Variants in EYA1 observed in about 807,000 individuals in gnomAD.
EYA1 encodes EYA transcriptional coactivator and phosphatase 1, also known as protein phosphatase EYA1.
In EYA1, 16 loss-of-function variants were observed where a neutral mutation model predicts 82.0. The ratio of observed to expected loss-of-function variants is 0.20; its 90% confidence interval spans 0.13 to 0.30. The LOEUF is 0.30. Ranked by LOEUF, EYA1 falls within the 10% of genes least tolerant of loss-of-function variation. The pLI is 1.00. For synonymous variants in EYA1, 261 were observed against 264.4 expected (o/e 0.99, Z 0.12); for missense variants, 633 against 730.7 (o/e 0.87, Z 1.54).
intron 2 of EYA1, among the ~76,000 whole-genome samples, chr8:71,432,590 T>C (rs953092182): frequency 2.6e-5 from 4 of 152,226 alleles, no homozygotes; most frequent in African/African-American, 9.6e-5. Context: ...TCCTTTGTGC[T>C]TGGGCATGAT....
intron 1 of EYA1, among the ~76,000 whole-genome samples, chr8:71,358,554 G>C (rs1474714136): frequency 6.6e-6 from 1 of 152,070 alleles, no homozygotes; most frequent in Non-Finnish European, 1.5e-5. Context: ...TCCACATCGT[G>C]GTCCAGGAAA....
At chr8:71,236,085 G>A (rs1811797307) in intron 12 of EYA1, among the ~76,000 whole-genome samples, 1 of 152,082 alleles carries the variant, frequency 6.6e-6, no homozygotes, top group Admixed American at 6.5e-5. Context: ...CTGTCACTCA[G>A]GCTGGAGTGC....
chr8:71,280,077 C>T (rs1328009752), intron 9 of EYA1, among the ~76,000 whole-genome samples: 2 of 152,190 alleles, frequency 1.3e-5, no homozygotes, highest in African/African-American at 4.8e-5. Context: ...TTGATTTCAT[C>T]TCTAACATAA....
intron 2 of EYA1, among the ~76,000 whole-genome samples, chr8:71,442,499 T>C (rs1346828640): frequency 6.6e-6 from 1 of 152,208 alleles, no homozygotes; most frequent in Non-Finnish European, 1.5e-5. Context: ...CAGTTTCTGA[T>C]TCCGCTTCAT....
chr8:71,326,883 C>G (rs1823214382), intron 4 of EYA1, among the ~76,000 whole-genome samples: 1 of 152,200 alleles, frequency 6.6e-6, no homozygotes, highest in South Asian at 2.1e-4. Context: ...AAACAGTGAC[C>G]TCTCAAAAAC....
At chr8:71,419,744 C>G (rs751020079) in intron 2 of EYA1, among the ~76,000 whole-genome samples, 103 of 152,070 alleles carry the variant, frequency 6.8e-4, no homozygotes, top group Non-Finnish European at 1.4e-3. Context: ...TTTAAATACA[C>G]ACTTTACTAG....
chr8:71,376,799 C>T (rs1406436002), intron 2 of EYA1, among the ~76,000 whole-genome samples: 2 of 152,060 alleles, frequency 1.3e-5, no homozygotes, highest in Non-Finnish European at 2.9e-5. Flanking sequence ...TCCAAAAAGC[C>T]GGAACAATCA....
At chr8:71,336,610 AC>A (rs1486089769) in intron 3 of EYA1, among the ~76,000 whole-genome samples, 2 of 152,256 alleles carry the variant, frequency 1.3e-5, no homozygotes, top group African/African-American at 4.8e-5. Flanking sequence ...CCCAAGAGGC[AC>A]ATTCAATTAT....
At chr8:71,202,547 G>A (rs897884451) in intron 17 of EYA1, among the ~76,000 whole-genome samples, 6 of 152,130 alleles carry the variant, frequency 3.9e-5, no homozygotes, top group South Asian at 2.1e-4. Context: ...ACCCAGAAAC[G>A]AGGTCAAAGG....
At chr8:71,206,459 G>A (rs557219687) in intron 17 of EYA1, among the ~76,000 whole-genome samples, 1 of 152,238 alleles carries the variant, frequency 6.6e-6, no homozygotes, top group South Asian at 2.1e-4. Flanking sequence ...GGGCTCAAGT[G>A]AGCCACCTGT....
At chr8:71,392,084 C>G (rs369814365) in intron 2 of EYA1, among the ~76,000 whole-genome samples, 1 of 152,070 alleles carries the variant, frequency 6.6e-6, no homozygotes, top group African/African-American at 2.4e-5. Context: ...TAGAGATTTC[C>G]CTCCATACTT....
intron 4 of EYA1, chr8:71,324,072 C>T (rs575092050): frequency 1.3e-5 from 2 of 152,182 alleles, no homozygotes; most frequent in South Asian, 4.1e-4. Flanking sequence ...GCCACAGAAA[C>T]CCCATTTATT....
chr8:71,328,427 G>A (rs1345437829), intron 4 of EYA1, among the ~76,000 whole-genome samples: 2 of 152,018 alleles, frequency 1.3e-5, no homozygotes, highest in East Asian at 1.9e-4. Flanking sequence ...GATTCTTTCC[G>A]CTGTATTCAA....
chr8:71,443,308 G>A (rs374322998), intron 2 of EYA1, among the ~76,000 whole-genome samples: 4 of 152,108 alleles, frequency 2.6e-5, no homozygotes, highest in Non-Finnish European at 5.9e-5. Context: ...TTTTTGGCGG[G>A]GGGGATAGAG....
chr8:71,225,097 T>C, intron 12 of EYA1: 1 of 285,526 alleles, frequency 3.5e-6, no homozygotes, highest in Non-Finnish European at 7.2e-6. Context: ...TACTTGCGTG[T>C]TTTTCTCTGT....
chr8:71,433,290 CAT>C (rs1254571928), intron 2 of EYA1, among the ~76,000 whole-genome samples: 2 of 152,142 alleles, frequency 1.3e-5, no homozygotes, highest in African/African-American at 2.4e-5. Flanking sequence ...GAAAAAAGAA[CAT>C]AAACATTCCA....
At chr8:71,210,649 C>T (rs1185677628) in intron 17 of EYA1, among the ~76,000 whole-genome samples, 2 of 152,184 alleles carry the variant, frequency 1.3e-5, no homozygotes, top group African/African-American at 4.8e-5. Flanking sequence ...CTCCCTTCCC[C>T]CTGCCCTGAG....
chr8:71,231,234 CTTTG>C (rs1811156751), intron 12 of EYA1, among the ~76,000 whole-genome samples: 1 of 152,234 alleles, frequency 6.6e-6, no homozygotes, highest in Non-Finnish European at 1.5e-5. Flanking sequence ...TTATTGACCC[CTTTG>C]ACTTTACAAT....
rs570360007 is a variant in EYA1 at position 71,341,729 on chromosome 8, T to A, written c.125-7555A>T. 1.3e-4 allele frequency among the ~76,000 whole-genome samples: 20 copies of A among 152,276 alleles called. No individual in the cohort carries two copies. The South Asian group carries it at 2.5e-3, about 19-fold the overall frequency. ...AAAAAGTAAAGTTAAGGTCATCTTC[T>A]TTATCTTAAAGGAGGGCAGGAAAAA... On this transcript the variant is annotated intron_variant, in intron 3 of 17. Transcript: ENST00000340726.
Sources: gnomAD v4.1 joint callset for allele counts (sites outside exome capture counted in the v4.1 genomes callset) on GRCh38, gnomAD v4.1.1 for gene constraint, MANE v1.5 for transcripts, NCBI Gene and HGNC (gene_info 2026-07-23, HGNC 2026-07-21) for gene names.